The following DPP6 variants were observed in gnomAD, a reference collection of about 807,000 sequenced individuals.
The protein encoded by DPP6 is dipeptidyl peptidase like 6.
DPP6 carries 69 observed loss-of-function variants against 122.6 expected under a neutral mutation model. The observed-to-expected ratio is 0.56, with a 90% CI of 0.46 to 0.69. DPP6 has a LOEUF of 0.69. Among genes scored for constraint, DPP6 ranks in the 30% least tolerant of loss-of-function variants. DPP6 has a pLI of 0.00. For synonymous variants in DPP6, 418 were observed against 433.1 expected, an observed-to-expected ratio of 0.97 and a Z score of 0.43; for missense variants, 928 against 1,116.9, an observed-to-expected ratio of 0.83 and a Z score of 2.41.
chr7:154,517,695 A>G (rs1826633942), intron 3 of DPP6, among the ~76,000 whole-genome samples: 1 of 152,114 alleles, frequency 6.6e-6, no homozygotes, highest in South Asian at 2.1e-4. Context: ...AGGGAAAGAA[A>G]TATGTTGCCT....
chr7:154,545,153 C>T (rs917898620), intron 4 of DPP6, among the ~76,000 whole-genome samples: 1 of 152,178 alleles, frequency 6.6e-6, no homozygotes, highest in African/African-American at 2.4e-5. Context: ...AATTCCGGGA[C>T]CTTACACTTT....
chr7:154,071,745 A>T (rs1212460522), intron 1 of DPP6, among the ~76,000 whole-genome samples: 1 of 152,228 alleles, frequency 6.6e-6, no homozygotes, highest in East Asian at 1.9e-4. Context: ...CGTATTTTAT[A>T]CTAAGCCTTC....
chr7:153,943,781 A>C (rs752183349), intron 1 of DPP6, among the ~76,000 whole-genome samples: 3 of 152,144 alleles, frequency 2.0e-5, no homozygotes, highest in Non-Finnish European at 4.4e-5. Context: ...GCCTCCCCCT[A>C]AGCTAGCAGT....
At chr7:154,490,194 A>G (rs1824153693) in intron 3 of DPP6, among the ~76,000 whole-genome samples, 1 of 152,346 alleles carries the variant, frequency 6.6e-6, no homozygotes, top group Middle Eastern at 3.4e-3. Context: ...GTGGAAAGTT[A>G]TGTTCACTAA....
intron 1 of DPP6, among the ~76,000 whole-genome samples, chr7:154,404,381 C>T (rs1291218351): frequency 6.6e-6 from 1 of 152,188 alleles, no homozygotes; most frequent in Non-Finnish European, 1.5e-5. Flanking sequence ...CATAAATGTT[C>T]CTTGAAGACA....
chr7:153,860,625 G>A, the DPP6 span, among the ~76,000 whole-genome samples: 3 of 147,846 alleles, frequency 2.0e-5, no homozygotes, highest in East Asian at 2.0e-4. Flanking sequence ...TCCTTGGGTG[G>A]TTTCCCTAAA....
chr7:154,235,231 A>T (rs979033915), intron 1 of DPP6, among the ~76,000 whole-genome samples: 1 of 152,110 alleles, frequency 6.6e-6, no homozygotes, highest in South Asian at 2.1e-4. Context: ...CACTCTGTGG[A>T]TGCACCTGTT....
At chr7:153,964,986 TCC>T (rs1795612052) in intron 1 of DPP6, among the ~76,000 whole-genome samples, 2 of 70,556 alleles carry the variant, frequency 2.8e-5, no homozygotes, top group African/African-American at 1.2e-4. Flanking sequence ...TTCCCTTCCT[TCC>T]TTCCTTCCTT....
intron 8 of DPP6, among the ~76,000 whole-genome samples, chr7:154,765,522 A>T (rs1328089395): frequency 6.6e-6 from 1 of 152,188 alleles, no homozygotes; most frequent in Non-Finnish European, 1.5e-5. Flanking sequence ...TTTTTCTCCT[A>T]CTGGATATGA....
chr7:153,822,254 A>ATC, the DPP6 span, among the ~76,000 whole-genome samples: 20 of 137,366 alleles, frequency 1.5e-4, no homozygotes, highest in African/African-American at 5.6e-4. Context: ...CAGTGGTGCC[A>ATC]TCTCAGCTCA....
At chr7:154,341,745 G>A (rs12540019) in intron 1 of DPP6, among the ~76,000 whole-genome samples, 13,369 of 151,898 alleles carry the variant, frequency 0.088, 746 homozygotes, top group African/African-American at 0.14. Flanking sequence ...TGACATTTAA[G>A]ACTGCACCCA....
intron 1 of DPP6, among the ~76,000 whole-genome samples, chr7:154,005,940 G>T (rs1237464779): frequency 6.6e-6 from 1 of 152,268 alleles, no homozygotes; most frequent in East Asian, 1.9e-4. Flanking sequence ...ACTGAGCTCC[G>T]TGAGGGACTT....
chr7:154,051,178 AG>A (rs201357494), upstream of DPP6, among the ~76,000 whole-genome samples: 373 of 122,732 alleles, frequency 3.0e-3, 51 homozygotes, highest in Non-Finnish European at 4.5e-3. Flanking sequence ...AGGGAGCCTT[AG>A]GCAGTCCTGG....
chr7:154,526,271 AAGGTCTGG>A (rs1827400226), intron 3 of DPP6, among the ~76,000 whole-genome samples: 1 of 152,192 alleles, frequency 6.6e-6, no homozygotes, highest in Non-Finnish European at 1.5e-5. Context: ...TGGCAAGAGG[AAGGTCTGG>A]AGGTCTGCTC....
intron 1 of DPP6, among the ~76,000 whole-genome samples, chr7:154,280,476 G>A (rs1310673344): frequency 6.6e-6 from 1 of 152,140 alleles, no homozygotes; most frequent in African/African-American, 2.4e-5. Context: ...TTCTTTATTT[G>A]GGGAACAGCC....
the DPP6 span, among the ~76,000 whole-genome samples, chr7:153,856,159 C>T: frequency 6.6e-6 from 1 of 152,128 alleles, no homozygotes; most frequent in Non-Finnish European, 1.5e-5. Flanking sequence ...TCACCCTGTT[C>T]CTGCCACTCC....
At chr7:154,455,979 G>A (rs1199817209) in intron 2 of DPP6, among the ~76,000 whole-genome samples, 1 of 152,132 alleles carries the variant, frequency 6.6e-6, no homozygotes, top group African/African-American at 2.4e-5. Flanking sequence ...ATTTTTACAA[G>A]CAGCTGGCTC....
chr7:154,547,947 G>A (rs543815179), intron 4 of DPP6, among the ~76,000 whole-genome samples: 6 of 152,300 alleles, frequency 3.9e-5, no homozygotes, highest in South Asian at 4.2e-4. Context: ...AGTGGCTCAC[G>A]CGTGTAATCC....
At chr7:154,615,976 A>G (rs114343335) in intron 5 of DPP6, among the ~76,000 whole-genome samples, 1,832 of 152,246 alleles carry the variant, frequency 0.012, 38 homozygotes, top group African/African-American at 0.042. Flanking sequence ...TACAGTGTCT[A>G]TCTTTCTGCA....
Sources: gnomAD v4.1 joint callset for allele counts (sites outside exome capture counted in the v4.1 genomes callset) on GRCh38, gnomAD v4.1.1 for gene constraint, MANE v1.5 for transcripts, NCBI Gene and HGNC (gene_info 2026-07-23, HGNC 2026-07-21) for gene names.